Variants in CREM observed in about 807,000 individuals in gnomAD.
The protein encoded by CREM is cAMP-responsive element modulator.
Under a neutral mutation model 37.3 loss-of-function variants are expected in CREM, and 13 were observed. The ratio of observed to expected loss-of-function variants is 0.35; its 90% CI spans 0.23 to 0.55. The LOEUF (loss-of-function observed/expected upper bound fraction) is 0.55. CREM is among the 20% of genes least tolerant of loss of function. The probability of loss-of-function intolerance (pLI) is 0.88; values close to 1 mark genes in which losing one functional copy is unlikely to be tolerated. For synonymous variants in CREM, 124 were observed against 120.2 expected (o/e 1.03, Z -0.21); for missense variants, 296 against 362.3 (o/e 0.82, Z 1.49).
intron 3 of CREM, chr10:35,167,698 GTACTGT>G: frequency 6.2e-7 from 1 of 1,608,580 alleles, no homozygotes; most frequent in Non-Finnish European, 8.5e-7. Flanking sequence ...TTCAGATTAA[GTACTGT>G]TTATAGTGGG....
intron 1 of CREM, among the ~76,000 whole-genome samples, chr10:35,127,753 A>C (rs942646247): frequency 6.6e-6 from 1 of 152,216 alleles, no homozygotes; most frequent in African/African-American, 2.4e-5. Flanking sequence ...CGCTCTCGGA[A>C]GGCGCATTTT....
At chr10:35,185,983 A>G (rs1406398781) in intron 5 of CREM, among the ~76,000 whole-genome samples, 1 of 152,254 alleles carries the variant, frequency 6.6e-6, no homozygotes, top group Admixed American at 6.5e-5. Flanking sequence ...GTTATCGCCT[A>G]AGTGCTTTTT....
At position 35,211,879 on chromosome 10, in the gene CREM, G is replaced by T. The variant is rs2095669618; in HGVS notation, c.*481G>T. 7.5e-7 allele frequency: 1 copy of T among 1,334,148 alleles called. No individual in the cohort carries two copies. The highest frequency in any genetic ancestry group is 9.9e-7 in the Non-Finnish European group (1 of 1,005,032). 82.6% of individuals were successfully genotyped at this position (1,334,148 alleles called of 1,614,324 possible). A position where few individuals can be genotyped will look rare whatever the true frequency, so the allele number is the denominator to read the frequency against. On this transcript the variant is annotated 3_prime_UTR_variant, in exon 8 of 8. Coordinates refer to ENST00000685392, the MANE Select transcript of CREM (RefSeq NM_183011.2). ...ATACAATATATAGCTGGCAAGAATG[G>T]TGGCTTCTTTTCTTTGTATCATTCA... is the stretch of plus-strand genomic sequence containing the variant.
At chr10:35,208,599 C>T (rs1378314648) in intron 7 of CREM, among the ~76,000 whole-genome samples, 4 of 152,290 alleles carry the variant, frequency 2.6e-5, no homozygotes, top group South Asian at 2.1e-4. Flanking sequence ...CCCAGACTCC[C>T]GCTCCCGGCT....
chr10:35,185,231 G>A (rs930886108), intron 5 of CREM, among the ~76,000 whole-genome samples: 1 of 151,742 alleles, frequency 6.6e-6, no homozygotes, highest in Non-Finnish European at 1.5e-5. Flanking sequence ...GCCTCCCGAG[G>A]AGCTGGGATT....
intron 3 of CREM, among the ~76,000 whole-genome samples, chr10:35,166,471 G>C (rs2093559657): frequency 6.6e-6 from 1 of 151,648 alleles, no homozygotes; most frequent in African/African-American, 2.4e-5. Flanking sequence ...TGAGGCAGGA[G>C]AATCGATTCA....
intron 1 of CREM, among the ~76,000 whole-genome samples, chr10:35,136,337 G>T (rs2090511054): frequency 6.6e-6 from 1 of 152,208 alleles, no homozygotes; most frequent in Non-Finnish European, 1.5e-5. Context: ...GGCTCCTGGA[G>T]AGCTGTCTCC....
intron 6 of CREM, among the ~76,000 whole-genome samples, chr10:35,196,857 G>A (rs1047315860): frequency 2.1e-5 from 3 of 141,910 alleles, no homozygotes; most frequent in African/African-American, 7.7e-5. Flanking sequence ...ATGTGAAAAC[G>A]CTGTGTACTT....
chr10:35,147,032 GT>G (rs1197532162), intron 2 of CREM, among the ~76,000 whole-genome samples: 3 of 133,812 alleles, frequency 2.2e-5, no homozygotes, highest in African/African-American at 5.5e-5. Flanking sequence ...GTTTCTATAA[GT>G]TTTTTGGGTT....
intron 2 of CREM, among the ~76,000 whole-genome samples, chr10:35,143,152 G>T (rs2091654718): frequency 1.3e-5 from 2 of 152,222 alleles, no homozygotes; most frequent in South Asian, 4.1e-4. Context: ...TGTATTTTTA[G>T]TAGAGACGGG....
chr10:35,197,292 CAACTT>C (rs965212404), intron 6 of CREM, among the ~76,000 whole-genome samples: 10 of 151,984 alleles, frequency 6.6e-5, no homozygotes, highest in African/African-American at 2.4e-4. Flanking sequence ...AAATGTCAAA[CAACTT>C]AAAACACTTT....
intron 6 of CREM, among the ~76,000 whole-genome samples, chr10:35,188,659 AT>A (rs34929610): frequency 0.3 from 42,103 of 138,436 alleles, 5,730 homozygotes; most frequent in Non-Finnish European, 0.33. Context: ...ACATGAATGA[AT>A]TTTTTTTTTT....
rs777178654 is a variant in CREM at position 35,211,732 on chromosome 10, G to A, written c.*334G>A. 6 of 1,613,996 alleles carry A rather than the reference G, an allele frequency of 3.7e-6. No individual in the cohort carries two copies. On this transcript the variant is annotated 3_prime_UTR_variant, in exon 8 of 8. Coordinates refer to ENST00000685392, the MANE Select transcript of CREM (RefSeq NM_183011.2). Reference sequence around the variant, plus strand: ...GGAGAGCCGAGTTGCAGTGCTGGAAGTCCAGAACAAGAAGCTTATAGAGGA... The same window carrying A: ...GGAGAGCCGAGTTGCAGTGCTGGAAATCCAGAACAAGAAGCTTATAGAGGA...
At chr10:35,158,828 T>G (rs1009787063) in intron 3 of CREM, among the ~76,000 whole-genome samples, 1 of 143,908 alleles carries the variant, frequency 6.9e-6, no homozygotes, top group African/African-American at 2.5e-5. Flanking sequence ...TTTGTTTTTT[T>G]TTTTTTTTTA....
intron 6 of CREM, chr10:35,196,126 G>C (rs370937175): frequency 2.2e-5 from 35 of 1,612,668 alleles, no homozygotes; most frequent in Middle Eastern, 1.6e-4. Flanking sequence ...TACTGAGGCC[G>C]TCCCTGCATG....
chr10:35,165,079 GAAAA>G (rs1452895333), intron 3 of CREM, among the ~76,000 whole-genome samples: 1 of 116,000 alleles, frequency 8.6e-6, no homozygotes, highest in Non-Finnish European at 1.8e-5. Flanking sequence ...AAAAAAAAAA[GAAAA>G]GGAAAAAGAA....
At chr10:35,185,290 G>C (rs2094510402) in intron 5 of CREM, among the ~76,000 whole-genome samples, 1 of 151,928 alleles carries the variant, frequency 6.6e-6, no homozygotes, top group Admixed American at 6.6e-5. Flanking sequence ...TTTTAGTAGG[G>C]ACGGGGTTTC....
chr10:35,168,487 T>G (rs955834784), intron 3 of CREM, among the ~76,000 whole-genome samples: 2 of 152,238 alleles, frequency 1.3e-5, no homozygotes, highest in African/African-American at 4.8e-5. Flanking sequence ...CATTGTAGAT[T>G]CTGGATATTA....
chr10:35,136,118 C>T (rs992118655), intron 1 of CREM, among the ~76,000 whole-genome samples: 9 of 152,244 alleles, frequency 5.9e-5, no homozygotes, highest in East Asian at 3.9e-4. Flanking sequence ...GAAGAGGAAG[C>T]GGGCGGCTGT....
Sources: allele counts gnomAD v4.1 joint callset (sites outside exome capture counted in the v4.1 genomes callset), GRCh38; gene constraint gnomAD v4.1.1; transcripts MANE v1.5; gene names NCBI Gene and HGNC (gene_info 2026-07-23, HGNC 2026-07-21).